RALGPS2: variants seen among roughly 807,000 people sequenced by gnomAD.
The protein encoded by RALGPS2 is ras-specific guanine nucleotide-releasing factor RalGPS2.
RALGPS2 carries 43 observed loss-of-function variants against 86.8 expected under a neutral mutation model. That is an observed-to-expected ratio of 0.50 (90% CI 0.39 to 0.64). The LOEUF (loss-of-function observed/expected upper bound fraction) is 0.64, where lower values mean the gene tolerates loss of function less well. Ranked by LOEUF, RALGPS2 falls within the 30% of genes least tolerant of loss-of-function variation. The pLI is 0.00. For synonymous variants in RALGPS2, 243 were observed against 231.3 expected, an observed-to-expected ratio of 1.05 and a Z score of -0.46; for missense variants, 536 against 694.6, an observed-to-expected ratio of 0.77 and a Z score of 2.57.
chr1:178,753,011 C>G (rs913080181), intron 1 of RALGPS2, among the ~76,000 whole-genome samples: 13 of 152,176 alleles, frequency 8.5e-5, no homozygotes, highest in African/African-American at 3.1e-4. Flanking sequence ...AAACATTGCC[C>G]TTTATTTCTT....
chr1:178,894,111 TA>T, intron 16 of RALGPS2, 87 bp downstream of exon 16: 1 of 756,286 alleles, frequency 1.3e-6, no homozygotes. Flanking sequence ...ACAATTAAAA[TA>T]AAACCTGATT....
intron 1 of RALGPS2, among the ~76,000 whole-genome samples, chr1:178,740,431 A>G (rs1650954938): frequency 6.6e-6 from 1 of 152,242 alleles, no homozygotes; most frequent in Admixed American, 6.5e-5. Context: ...GGGAAAATTT[A>G]TATAGTCAGT....
intron 8 of RALGPS2, among the ~76,000 whole-genome samples, chr1:178,839,504 T>C (rs901259386): frequency 1.3e-5 from 2 of 152,090 alleles, no homozygotes; most frequent in African/African-American, 4.8e-5. Context: ...CAAGAGCTCC[T>C]GAAGGAAGCA....
chr1:178,854,529 A>G (rs1427549816), intron 8 of RALGPS2, among the ~76,000 whole-genome samples: 1 of 152,172 alleles, frequency 6.6e-6, no homozygotes, highest in Non-Finnish European at 1.5e-5. Context: ...GCCCATGAGA[A>G]TACATTTCAG....
At chr1:178,831,665 C>G (rs1211472238) in intron 7 of RALGPS2, among the ~76,000 whole-genome samples, 1 of 120,246 alleles carries the variant, frequency 8.3e-6, no homozygotes, top group East Asian at 2.9e-4. Context: ...GGGGAAAATA[C>G]AGTAAAGAGA....
At chr1:178,819,190 G>A (rs1289444359) in intron 6 of RALGPS2, among the ~76,000 whole-genome samples, 2 of 151,770 alleles carry the variant, frequency 1.3e-5, no homozygotes, top group South Asian at 4.2e-4. Context: ...ACAAGGTTTT[G>A]CCATGTTGCC....
At chr1:178,725,925 A>G (rs1649965495) in intron 1 of RALGPS2, 1 of 150,130 alleles carries the variant, frequency 6.7e-6, no homozygotes, top group Non-Finnish European at 1.5e-5. Flanking sequence ...GCCGCCCGCG[A>G]ACCCGCGGAG....
At chr1:178,758,520 C>G (rs1652064698) in intron 1 of RALGPS2, among the ~76,000 whole-genome samples, 1 of 151,956 alleles carries the variant, frequency 6.6e-6, no homozygotes, top group African/African-American at 2.4e-5. Context: ...TACCCATTAT[C>G]TGTCACTTCC....
At chr1:178,749,501 A>G (rs1651529166) in intron 1 of RALGPS2, among the ~76,000 whole-genome samples, 1 of 152,232 alleles carries the variant, frequency 6.6e-6, no homozygotes, top group Non-Finnish European at 1.5e-5. Context: ...GTTTTAAAAG[A>G]CAACCTTGAG....
intron 1 of RALGPS2, among the ~76,000 whole-genome samples, chr1:178,744,813 A>G (rs1388149412): frequency 7.7e-6 from 1 of 129,894 alleles, no homozygotes; most frequent in Admixed American, 7.5e-5. Flanking sequence ...GCGAGACTCC[A>G]TCTCAAAAAA....
intron 19 of RALGPS2, among the ~76,000 whole-genome samples, chr1:178,911,673 A>C (rs985321146): frequency 6.6e-6 from 1 of 152,200 alleles, no homozygotes; most frequent in Non-Finnish European, 1.5e-5. Context: ...GCCAATGAAA[A>C]GAATGTATAT....
chr1:178,876,374 C>T (rs1659006046), intron 8 of RALGPS2, among the ~76,000 whole-genome samples: 1 of 152,084 alleles, frequency 6.6e-6, no homozygotes, highest in Admixed American at 6.5e-5. Context: ...TAACAGGTTG[C>T]ATGGCATTAG....
At chr1:178,906,918 TAA>T (rs1261887067) in intron 19 of RALGPS2, 51 bp downstream of exon 19, 5 of 1,523,818 alleles carry the variant, frequency 3.3e-6, no homozygotes, top group Non-Finnish European at 3.6e-6. Flanking sequence ...GGAACATATG[TAA>T]AAGAGTTCCA....
In RALGPS2 at chr1:178,894,844, A is replaced by G. The variant is rs574462374; in HGVS notation, c.1431+820A>G. Among the ~76,000 whole-genome samples, 174 of 152,098 alleles carry G rather than the reference A, an allele frequency of 1.1e-3. 2 individuals are homozygous for G. Among genetic ancestry groups the G allele is most frequent in the Middle Eastern group, 6.8e-3 (2 of 294 alleles). ...TCCTGTACTTTTTTTTACCCCCATT[A>G]TAGTTCGTATACAAAATTATTTCTT... On this transcript the variant is annotated intron_variant, in intron 16 of 19. Transcript: ENST00000367635.
At chr1:178,911,339 G>A (rs1660615043) in intron 19 of RALGPS2, among the ~76,000 whole-genome samples, 1 of 151,848 alleles carries the variant, frequency 6.6e-6, no homozygotes, top group African/African-American at 2.4e-5. Context: ...AGTTCCTCAA[G>A]GTATGATGTT....
chr1:178,908,925 G>C (rs1040371997), intron 19 of RALGPS2, among the ~76,000 whole-genome samples: 1 of 152,072 alleles, frequency 6.6e-6, no homozygotes, highest in Non-Finnish European at 1.5e-5. Flanking sequence ...CTGTTTGTCA[G>C]TTTTTGTTTT....
In RALGPS2 at chr1:178,920,665, T is replaced by C. The variant is rs1647269638; in HGVS notation, c.*4306T>C. The stretch of plus-strand genomic sequence containing the variant: ...TAGATAAGCACTCTTAAAAACAAAT[T>C]TGAAGAGCACTCTTCAGCCAAGTTC... On this transcript the variant is annotated 3_prime_UTR_variant, in exon 20 of 20. Transcript: ENST00000367635. The C allele has an allele frequency of 6.6e-6, 1 of 152,006 alleles. No homozygotes were observed. The highest frequency in any genetic ancestry group is 2.4e-5 in the African/African-American group (1 of 41,428). 9.4% of individuals were successfully genotyped at this position (152,006 alleles called of 1,614,324 possible). A position where few individuals can be genotyped will look rare whatever the true frequency, so the allele number is the denominator to read the frequency against.
chr1:178,903,078 TC>T (rs889575254), intron 18 of RALGPS2, among the ~76,000 whole-genome samples: 1 of 152,132 alleles, frequency 6.6e-6, no homozygotes, highest in Non-Finnish European at 1.5e-5. Flanking sequence ...TTGCTTTTCT[TC>T]CATCATAACA....
chr1:178,911,716 G>T (rs1660633922), intron 19 of RALGPS2, among the ~76,000 whole-genome samples: 1 of 152,220 alleles, frequency 6.6e-6, no homozygotes. Flanking sequence ...TTCTGTAGAT[G>T]TCTGTTGGGT....
Sources: allele counts gnomAD v4.1 joint callset (sites outside exome capture counted in the v4.1 genomes callset), GRCh38; gene constraint gnomAD v4.1.1; transcripts MANE v1.5; gene names NCBI Gene and HGNC (gene_info 2026-07-23, HGNC 2026-07-21).